Variants in PPARA observed in about 807,000 individuals in gnomAD.
The protein encoded by PPARA is peroxisome proliferator activated receptor alpha.
PPARA carries 22 observed loss-of-function variants against 42.2 expected under a neutral mutation model. The ratio of observed to expected loss-of-function variants is 0.52; its 90% CI spans 0.37 to 0.74. The LOEUF is 0.74. Among genes scored for constraint, PPARA ranks in the 30% least tolerant of loss-of-function variants. The probability of loss-of-function intolerance (pLI) is 0.00; values close to 1 mark genes in which losing one functional copy is unlikely to be tolerated. For missense variants in PPARA, 465 were observed against 608.2 expected (o/e 0.76, Z 2.48); for synonymous variants, 242 against 239.3 (o/e 1.01, Z -0.10).
intron 2 of PPARA, chr22:46,155,126 G>A (rs1925106977): frequency 6.6e-6 from 1 of 151,314 alleles, no homozygotes; most frequent in African/African-American, 2.4e-5. Flanking sequence ...GTGTGTGGAT[G>A]GATATATTTT....
chr22:46,153,991 T>C (rs1924874446), intron 2 of PPARA, among the ~76,000 whole-genome samples: 1 of 152,230 alleles, frequency 6.6e-6, no homozygotes, highest in South Asian at 2.1e-4. Flanking sequence ...GTGAAAAACA[T>C]TTCTGCATCA....
In PPARA at chr22:46,200,653, C is replaced by T. The variant is rs928604295; in HGVS notation, c.208+2062C>T. ...TAACTTGGCTGGGCGCAGTGGCTCA[C>T]GCCTGTAATCCCAACACTTTGGGAG... On this transcript the variant is annotated intron_variant, in intron 4 of 8. Transcript: ENST00000407236. The surrounding 1 kb of genome is among the most constrained non-coding windows in gnomAD (Gnocchi z 4.8). Among the ~76,000 whole-genome samples the T allele has an allele frequency of 1.4e-4, 22 of 152,344 alleles. No individual in the cohort carries two copies. The highest frequency in any genetic ancestry group is 1.9e-4 in the East Asian group (1 of 5,186).
intron 4 of PPARA, among the ~76,000 whole-genome samples, chr22:46,213,107 C>T (rs1434530399): frequency 6.6e-6 from 1 of 152,160 alleles, no homozygotes; most frequent in Non-Finnish European, 1.5e-5. Flanking sequence ...AGTAAAACTG[C>T]TTTGCTTTGT....
rs763566241 is a variant in PPARA, at chr22:46,230,083, C to T, written c.712-1709C>T. Among the ~76,000 whole-genome samples, 1 of 152,148 alleles carries T rather than the reference C, an allele frequency of 6.6e-6. No individual in the cohort carries two copies. Among genetic ancestry groups the T allele is most frequent in the Non-Finnish European group, 1.5e-5 (1 of 68,030 alleles). On this transcript the variant is annotated intron_variant, in intron 7 of 8. Coordinates refer to ENST00000407236, the MANE Select transcript of PPARA (RefSeq NM_005036.6). The surrounding 1 kb of genome is among the most constrained non-coding windows in gnomAD (Gnocchi z 5.0). ...CTGTTCCAGCAGTGATTAGAAATAA[C>T]GCTGTAGGCCGGGCGCGGTGGCTCA...
intron 4 of PPARA, among the ~76,000 whole-genome samples, chr22:46,206,135 CT>C (rs1234408320): frequency 2.8e-4 from 42 of 152,008 alleles, no homozygotes; most frequent in Admixed American, 2.8e-3. Context: ...CGGAGTCTCT[CT>C]CTGTCTCCAG....
In PPARA at chr22:46,227,263, T is replaced by C. The variant is rs1935532594; in HGVS notation, c.712-4529T>C. On this transcript the variant is annotated intron_variant, in intron 7 of 8. Coordinates refer to ENST00000407236, the MANE Select transcript of PPARA (RefSeq NM_005036.6). This position sits in a 1 kb window ranked among gnomAD's most constrained non-coding sequence, Gnocchi z 4.3. ...CACATTTATTTTTTATTTATTTATT[T>C]ATTTTTGAGACTGAGTCTCACTCTC... Among the ~76,000 whole-genome samples the C allele has an allele frequency of 1.3e-5, 2 of 152,050 alleles. No homozygotes were observed. The highest frequency in any genetic ancestry group is 4.8e-5 in the African/African-American group (2 of 41,352).
At chr22:46,177,213 A>G (rs946295686) in intron 3 of PPARA, among the ~76,000 whole-genome samples, 5 of 137,836 alleles carry the variant, frequency 3.6e-5, no homozygotes, top group African/African-American at 1.3e-4. Flanking sequence ...CCTGTCTCAA[A>G]AAATAAAATA....
chr22:46,207,859 A>T (rs934080149), intron 4 of PPARA, among the ~76,000 whole-genome samples: 2 of 150,542 alleles, frequency 1.3e-5, no homozygotes, highest in African/African-American at 4.9e-5. Context: ...AATTTTAAAA[A>T]TTTTTTGTAG....
At chr22:46,205,535 TATATATATATATA>T (rs1569226025) in intron 4 of PPARA, among the ~76,000 whole-genome samples, 89 of 33,768 alleles carry the variant, frequency 2.6e-3, no homozygotes, top group Non-Finnish European at 4.2e-3. Flanking sequence ...TATATATATA[TATATATATATATA>T]TATATATTTT....
Position 46,235,448 on chromosome 22 carries a change from G to A in PPARA, c.*68G>A, listed in dbSNP as rs961433727. 18 of 1,582,730 alleles carry A rather than the reference G, an allele frequency of 1.1e-5. No individual in the cohort carries two copies. Among genetic ancestry groups the A allele is most frequent in the Non-Finnish European group, 1.4e-5 (16 of 1,165,192 alleles). On this transcript the variant is annotated 3_prime_UTR_variant, in exon 9 of 9. Coordinates refer to ENST00000407236, the MANE Select transcript of PPARA (RefSeq NM_005036.6). This position sits in a 1 kb window ranked among gnomAD's most constrained non-coding sequence, Gnocchi z 7.0. ...TGACAGCACTACAAAGGAGACGGGGGAGCAGCACGATTTTGCACAAATATC... is the reference window on the plus strand; with the variant it reads ...TGACAGCACTACAAAGGAGACGGGGAAGCAGCACGATTTTGCACAAATATC...
At chr22:46,153,436 T>G (rs776158650) in intron 2 of PPARA, among the ~76,000 whole-genome samples, 98 of 152,118 alleles carry the variant, frequency 6.4e-4, no homozygotes, top group Non-Finnish European at 1.1e-3. Context: ...CCCAAAGGGC[T>G]GAGGTTACAG....
rs541384752 is a variant in PPARA at position 46,160,445 on chromosome 22, C to T, written c.-127+8475C>T. 3.3e-5 allele frequency among the ~76,000 whole-genome samples: 5 copies of T among 152,070 alleles called. No individual in the cohort carries two copies. The East Asian group carries it at 5.8e-4, about 18-fold the overall frequency. ...CTACATAGCTGGTACTACAGGCACG[C>T]GCCACCATGCCTGGCTAAATTGTTG... On this transcript the variant is annotated intron_variant, in intron 2 of 8. Coordinates refer to ENST00000407236, the MANE Select transcript of PPARA (RefSeq NM_005036.6). This position sits in a 1 kb window ranked among gnomAD's most constrained non-coding sequence, Gnocchi z 4.5.
chr22:46,181,537 A>C (rs573751775), intron 3 of PPARA, among the ~76,000 whole-genome samples: 1 of 152,194 alleles, frequency 6.6e-6, no homozygotes, highest in African/African-American at 2.4e-5. Context: ...TCTGGGGTGC[A>C]TGTTAAAGAA....
At chr22:46,157,382 C>T (rs964970686) in intron 2 of PPARA, among the ~76,000 whole-genome samples, 8 of 152,120 alleles carry the variant, frequency 5.3e-5, no homozygotes, top group African/African-American at 1.9e-4. Context: ...TCCATCCCAC[C>T]GCAGCGAAAT....
chr22:46,182,534 G>C lies in PPARA; in HGVS notation c.-43+5698G>C, dbSNP rs1930109678. Among the ~76,000 whole-genome samples the C allele has an allele frequency of 6.6e-6, 1 of 152,198 alleles. No homozygotes were observed. Among genetic ancestry groups the C allele is most frequent in the South Asian group, 2.1e-4 (1 of 4,832 alleles). The stretch of plus-strand genomic sequence containing the variant: ...AACTAATCTGTAATGACAGGAAGCA[G>C]ACCAGTGACAGTGGGCATGGAGGGG... On this transcript the variant is annotated intron_variant, in intron 3 of 8. Transcript: ENST00000407236. The surrounding 1 kb of genome is among the most constrained non-coding windows in gnomAD (Gnocchi z 5.2).
rs1296840113 is a variant in PPARA at position 46,237,753 on chromosome 22, A to G, written c.*2373A>G. The G allele has an allele frequency of 6.6e-6, 1 of 152,266 alleles. No homozygotes were observed. Among genetic ancestry groups the G allele is most frequent in the Non-Finnish European group, 1.5e-5 (1 of 68,056 alleles). 9.4% of individuals were successfully genotyped at this position (152,266 alleles called of 1,614,324 possible). A position where few individuals can be genotyped will look rare whatever the true frequency, so the allele number is the denominator to read the frequency against. On this transcript the variant is annotated 3_prime_UTR_variant, in exon 9 of 9. Transcript: ENST00000407236. The surrounding 1 kb of genome is among the most constrained non-coding windows in gnomAD (Gnocchi z 6.7). Reference sequence around the variant, plus strand: ...ATGCCACCAGCCAAGTGGCCATCCTAATTCAGAAAGAAGCTAGCCTTTGAG... The same window carrying G: ...ATGCCACCAGCCAAGTGGCCATCCTGATTCAGAAAGAAGCTAGCCTTTGAG...
intron 4 of PPARA, among the ~76,000 whole-genome samples, chr22:46,199,069 C>T (rs569240066): frequency 3.4e-4 from 52 of 152,316 alleles, no homozygotes; most frequent in African/African-American, 1.2e-3. Flanking sequence ...GCGCGTGTCA[C>T]GGCTCACGGT....
At position 46,150,670 on chromosome 22, in the gene PPARA, G is replaced by C. The variant is rs1330415488; in HGVS notation, c.-210+18G>C. On this transcript the variant is annotated intron_variant, in intron 1 of 8. Coordinates refer to ENST00000407236, the MANE Select transcript of PPARA (RefSeq NM_005036.6). The surrounding 1 kb of genome is among the most constrained non-coding windows in gnomAD (Gnocchi z 7.5). Reference sequence around the variant, plus strand: ...CGGCCCAGGTGCCCGGGGGCGGGCGGGCGGGCGGGCGGGAACGCGCGCGGG... The same window carrying C: ...CGGCCCAGGTGCCCGGGGGCGGGCGCGCGGGCGGGCGGGAACGCGCGCGGG... 6.8e-6 allele frequency: 1 copy of C among 146,438 alleles called. No individual in the cohort carries two copies. Among genetic ancestry groups the C allele is most frequent in the African/African-American group, 2.5e-5 (1 of 40,690 alleles). 9.1% of individuals were successfully genotyped at this position (146,438 alleles called of 1,614,324 possible). A position where few individuals can be genotyped will look rare whatever the true frequency, so the allele number is the denominator to read the frequency against.
At chr22:46,215,399 C>A (rs773096032) in intron 5 of PPARA, 66 bp downstream of exon 5, 57 of 1,593,222 alleles carry the variant, frequency 3.6e-5, no homozygotes, top group Non-Finnish European at 4.6e-5. Flanking sequence ...ACTTTTATAG[C>A]AAATGGCAGT....
Sources: gnomAD v4.1 joint callset for allele counts (sites outside exome capture counted in the v4.1 genomes callset) on GRCh38, gnomAD v4.1.1 for gene constraint, Gnocchi (gnomAD v3.1) non-coding constraint, MANE v1.5 for transcripts, NCBI Gene and HGNC (gene_info 2026-07-23, HGNC 2026-07-21) for gene names.